Variants in ANXA4 observed in about 807,000 individuals in gnomAD.
The protein encoded by ANXA4 is 35-beta calcimedin.
ANXA4 carries 39 observed loss-of-function variants against 49.8 expected under a neutral mutation model. The observed-to-expected ratio is 0.78, with a 90% CI of 0.61 to 1.02. The LOEUF (loss-of-function observed/expected upper bound fraction) is 1.02. Ranked by LOEUF, ANXA4 falls within the 50% of genes least tolerant of loss-of-function variation. The probability of loss-of-function intolerance (pLI) is 0.00; values close to 1 mark genes in which losing one functional copy is unlikely to be tolerated. For missense variants in ANXA4, 360 were observed against 410.1 expected (o/e 0.88, Z 1.05); for synonymous variants, 134 against 152.5 (o/e 0.88, Z 0.89).
chr2:69,733,552 C>A (rs1205004912), intron 3 of ANXA4, among the ~76,000 whole-genome samples: 2 of 150,364 alleles, frequency 1.3e-5, no homozygotes, highest in African/African-American at 4.9e-5. Context: ...GTTGAGACTT[C>A]AGTGAGCAGT....
intron 2 of ANXA4, among the ~76,000 whole-genome samples, chr2:69,657,568 C>T (rs921360753): frequency 1.3e-5 from 2 of 152,028 alleles, no homozygotes; most frequent in African/African-American, 4.8e-5. Flanking sequence ...ATATTTTTGC[C>T]TCCCCAAATA....
chr2:69,808,277 A>G, intron 6 of ANXA4: 1 of 341,078 alleles, frequency 2.9e-6, no homozygotes, highest in Non-Finnish European at 5.6e-6. Context: ...CAGACAAAGA[A>G]TCTAAGGTAC....
chr2:69,816,479 A>G (rs1172312280), intron 9 of ANXA4: 4 of 296,848 alleles, frequency 1.3e-5, no homozygotes, highest in Non-Finnish European at 2.6e-5. Flanking sequence ...TTTCTAAAGT[A>G]GCCCCAGTAT....
intron 2 of ANXA4, among the ~76,000 whole-genome samples, chr2:69,656,105 C>T (rs1051440506): frequency 6.6e-6 from 1 of 150,990 alleles, no homozygotes; most frequent in Non-Finnish European, 1.5e-5. Context: ...AGCAAACCAC[C>T]ATGGCATGTG....
intron 2 of ANXA4, among the ~76,000 whole-genome samples, chr2:69,783,881 T>C (rs907744406): frequency 2.6e-5 from 4 of 152,244 alleles, no homozygotes; most frequent in African/African-American, 9.6e-5. Flanking sequence ...CTTTTGTGTC[T>C]GACTTCTTTT....
At chr2:69,790,178 G>A (rs1672621940) in intron 3 of ANXA4, among the ~76,000 whole-genome samples, 1 of 152,016 alleles carries the variant, frequency 6.6e-6, no homozygotes, top group South Asian at 2.1e-4. Context: ...TTTCTGCTGG[G>A]GACTCACTTT....
chr2:69,674,257 A>G (rs944844316), intron 2 of ANXA4: 4 of 152,218 alleles, frequency 2.6e-5, no homozygotes, highest in Admixed American at 6.5e-5. Flanking sequence ...GACAGCAGGT[A>G]TTCAGAAATT....
At chr2:69,786,016 A>T (rs953339568) in intron 2 of ANXA4, among the ~76,000 whole-genome samples, 1 of 152,150 alleles carries the variant, frequency 6.6e-6, no homozygotes, top group African/African-American at 2.4e-5. Flanking sequence ...CGACTTTATT[A>T]TACTGGATGT....
At chr2:69,709,724 C>T (rs933167099) in intron 2 of ANXA4, among the ~76,000 whole-genome samples, 2 of 152,174 alleles carry the variant, frequency 1.3e-5, no homozygotes, top group Non-Finnish European at 2.9e-5. Context: ...TAGTTCAAAG[C>T]TTTGGGGTGG....
At chr2:69,795,585 C>G (rs954375489) in intron 3 of ANXA4, among the ~76,000 whole-genome samples, 1 of 152,126 alleles carries the variant, frequency 6.6e-6, no homozygotes, top group African/African-American at 2.4e-5. Flanking sequence ...CCTTTCCTGG[C>G]CTCTGGCTTT....
intron 3 of ANXA4, among the ~76,000 whole-genome samples, chr2:69,726,881 C>T (rs1262778896): frequency 6.6e-6 from 1 of 152,188 alleles, no homozygotes; most frequent in Non-Finnish European, 1.5e-5. Context: ...ATTTCACACA[C>T]ACACAAGCAA....
At chr2:69,790,654 G>A (rs182102197) in intron 3 of ANXA4, among the ~76,000 whole-genome samples, 20 of 152,266 alleles carry the variant, frequency 1.3e-4, no homozygotes, top group Non-Finnish European at 2.5e-4. Flanking sequence ...CCCAAAAAAG[G>A]GAGAAACCCT....
intron 3 of ANXA4, among the ~76,000 whole-genome samples, chr2:69,790,867 G>C (rs1348256263): frequency 1.3e-5 from 2 of 152,222 alleles, no homozygotes; most frequent in African/African-American, 4.8e-5. Context: ...GTTAATAACA[G>C]ATGTATGATA....
At chr2:69,769,851 TG>T (rs1179392420) in intron 1 of ANXA4, among the ~76,000 whole-genome samples, 1 of 151,956 alleles carries the variant, frequency 6.6e-6, no homozygotes, top group Non-Finnish European at 1.5e-5. Context: ...TTAGTAGAGA[TG>T]GGGTTTCCTC....
upstream of ANXA4, among the ~76,000 whole-genome samples, chr2:69,740,552 T>TA (rs535738969): frequency 5.9e-5 from 9 of 151,448 alleles, no homozygotes; most frequent in South Asian, 1.9e-3. Context: ...CTCCTGGGTT[T>TA]AGAGTGATCC....
rs147177954 is a variant in ANXA4, at chr2:69,792,999, A to G, written c.97+4858A>G. Among the ~76,000 whole-genome samples the G allele has an allele frequency of 4.4e-3, 676 of 152,326 alleles. 2 individuals carry two copies. The highest frequency in any genetic ancestry group is 0.015 in the African/African-American group (637 of 41,562). On this transcript the variant is annotated intron_variant, in intron 3 of 12. Coordinates refer to ENST00000394295, the MANE Select transcript of ANXA4 (RefSeq NM_001153.5). ...CCAGTCGCAATGGCTCCTGCCTGTAATCCCAGCACTTTGGGAGGCCAAGGC... is the reference window on the plus strand; with the variant it reads ...CCAGTCGCAATGGCTCCTGCCTGTAGTCCCAGCACTTTGGGAGGCCAAGGC...
At chr2:69,705,499 G>A (rs1400603453) in intron 2 of ANXA4, among the ~76,000 whole-genome samples, 1 of 152,220 alleles carries the variant, frequency 6.6e-6, no homozygotes, top group Non-Finnish European at 1.5e-5. Flanking sequence ...TAAAGTGTAA[G>A]CTGCAGTAAC....
At chr2:69,749,360 G>C (rs559107960) in intron 1 of ANXA4, among the ~76,000 whole-genome samples, 5 of 152,218 alleles carry the variant, frequency 3.3e-5, no homozygotes, top group African/African-American at 1.2e-4. Context: ...GTAGGAGGGG[G>C]GATGTCTTTG....
rs539116754 is a variant in ANXA4, at chr2:69,650,005, G to A, written n.482-2993G>A. ...TGCCGGAGTGTAATGGCACAATCTC[G>A]GCTGACTGCAGCCACCACCTCCCGG... On this transcript the variant is annotated intron_variant and non_coding_transcript_variant, in intron 1 of 3. Coordinates refer to the ANXA4 transcript ENST00000418066. Among the ~76,000 whole-genome samples the A allele has an allele frequency of 9.4e-5, 13 of 138,372 alleles. No individual in the cohort carries two copies. The East Asian group carries it at 2.4e-3, about 26-fold the overall frequency. 90.8% of individuals were successfully genotyped at this position (138,372 alleles called of 152,430 possible).
Sources: allele counts gnomAD v4.1 joint callset (sites outside exome capture counted in the v4.1 genomes callset), GRCh38; gene constraint gnomAD v4.1.1; transcripts MANE v1.5; gene names NCBI Gene and HGNC (gene_info 2026-07-23, HGNC 2026-07-21).